MTOR: variants seen among roughly 807,000 people sequenced by gnomAD.
The protein encoded by MTOR is mechanistic target of rapamycin kinase.
MTOR carries 70 observed loss-of-function variants against 319.8 expected under a neutral mutation model. The observed-to-expected ratio is 0.22, with a 90% confidence interval of 0.18 to 0.27. The LOEUF (loss-of-function observed/expected upper bound fraction) is 0.27, where lower values mean the gene tolerates loss of function less well. MTOR is among the 10% of genes least tolerant of loss of function. The pLI is 1.00. For missense variants in MTOR, 1,890 were observed against 3,274.4 expected, an observed-to-expected ratio of 0.58 and a Z score of 10.32; for synonymous variants, 1,183 against 1,211.4, an observed-to-expected ratio of 0.98 and a Z score of 0.49.
chr1:11,173,159 C>A (rs4534388), intron 28 of MTOR, among the ~76,000 whole-genome samples: 8,991 of 152,110 alleles, frequency 0.059, 377 homozygotes, highest in South Asian at 0.12. Flanking sequence ...ATACCTGGCT[C>A]ATTTTTGTAT....
chr1:11,259,181 T>G, intron 2 of MTOR, 67 bp downstream of exon 2: 1 of 1,559,328 alleles, frequency 6.4e-7, no homozygotes, highest in South Asian at 1.2e-5. Context: ...CAAAAAAAAA[T>G]GTAAACCAGT....
intron 24 of MTOR, 74 bp from the exon 25 acceptor site, chr1:11,209,532 T>C: frequency 6.3e-7 from 1 of 1,575,902 alleles, no homozygotes; most frequent in Non-Finnish European, 8.7e-7. Flanking sequence ...TCCTTAAATT[T>C]TGGGAGGTGC....
At chr1:11,201,963 A>G (rs12120734) in intron 26 of MTOR, among the ~76,000 whole-genome samples, 83,951 of 151,902 alleles carry the variant, frequency 0.55, 27,176 homozygotes, top group East Asian at 0.78. Context: ...TCATGCCACC[A>G]CGCTTGGCTA....
chr1:11,255,824 G>A (rs1298296406), intron 5 of MTOR, among the ~76,000 whole-genome samples, 168 bp downstream of exon 5: 2 of 145,522 alleles, frequency 1.4e-5, no homozygotes, highest in Admixed American at 7.2e-5. Flanking sequence ...TCCAGCCTGG[G>A]CGACAAAGCA....
chr1:11,209,511 T>C, intron 24 of MTOR, 53 bp from the exon 25 acceptor site: 1 of 1,599,108 alleles, frequency 6.3e-7, no homozygotes, highest in South Asian at 1.1e-5. Flanking sequence ...ATGCTTCTGG[T>C]TTAGGAAATA....
chr1:11,109,428 T>C lies in MTOR; in HGVS notation c.7448-58A>G, dbSNP rs773302545. 3 of 1,491,444 alleles carry C rather than the reference T, an allele frequency of 2.0e-6. No homozygotes were observed. Among genetic ancestry groups the C allele is most frequent in the African/African-American group, 1.4e-5 (1 of 71,912 alleles). 92.4% of individuals were successfully genotyped at this position (1,491,444 alleles called of 1,614,324 possible). A position where few individuals can be genotyped will look rare whatever the true frequency, so the allele number is the denominator to read the frequency against. ...AATGGGAGCAATACAACAGGTTCAA[T>C]GGGTGCCCTGTTTTTCTCAAATATT... On this transcript the variant is annotated intron_variant, in intron 55 of 57. Coordinates refer to ENST00000361445, the MANE Select transcript of MTOR (RefSeq NM_004958.4). The surrounding 1 kb of genome is among the most constrained non-coding windows in gnomAD (Gnocchi z 4.0).
chr1:11,175,262 G>A (rs950230081), intron 28 of MTOR, among the ~76,000 whole-genome samples: 3 of 152,178 alleles, frequency 2.0e-5, no homozygotes, highest in African/African-American at 7.2e-5. Context: ...GGAAGACAAC[G>A]AAGACAGGCG....
At chr1:11,123,409 C>CTTTTTTT (rs950653302) in intron 47 of MTOR, among the ~76,000 whole-genome samples, 1 of 122,026 alleles carries the variant, frequency 8.2e-6, no homozygotes, top group Non-Finnish European at 1.7e-5. Context: ...CTGTGCCCAG[C>CTTTTTTT]TTTTTTTTTT....
intron 1 of MTOR, among the ~76,000 whole-genome samples, chr1:11,260,858 C>T (rs1434594582): frequency 6.7e-6 from 1 of 149,064 alleles, no homozygotes; most frequent in African/African-American, 2.5e-5. Flanking sequence ...GGCATGATCT[C>T]GGCTCACTGC....
In MTOR at chr1:11,129,842, T is replaced by G; in HGVS notation, c.5614-4A>C. ...TCAGGAGGGTTTTGGACAGATCCTG[T>G]TGGAACACACACGTGTTAGCGACAC... On this transcript the variant is annotated splice_region_variant and splice_polypyrimidine_tract_variant and intron_variant, in intron 39 of 57. Transcript: ENST00000361445. The surrounding 1 kb of genome is among the most constrained non-coding windows in gnomAD (Gnocchi z 4.7). 1 of 1,613,696 alleles carries G rather than the reference T, an allele frequency of 6.2e-7. No homozygotes were observed. The highest frequency in any genetic ancestry group is 8.5e-7 in the Non-Finnish European group (1 of 1,179,586).
chr1:11,141,352 A>G lies in MTOR; in HGVS notation c.4873-1694T>C, dbSNP rs150847708. Among the ~76,000 whole-genome samples, 533 of 151,968 alleles carry G rather than the reference A, an allele frequency of 3.5e-3. 6 individuals carry two copies. The highest frequency in any genetic ancestry group is 0.012 in the African/African-American group (504 of 41,448). On this transcript the variant is annotated intron_variant, in intron 34 of 57. Coordinates refer to ENST00000361445, the MANE Select transcript of MTOR (RefSeq NM_004958.4). Reference sequence around the variant, plus strand: ...GGTCTCAAACTCCTGGGCTTAAGCTATCTGCCTGCCTCAGCCTCCCAATGT... The same window carrying G: ...GGTCTCAAACTCCTGGGCTTAAGCTGTCTGCCTGCCTCAGCCTCCCAATGT...
intron 28 of MTOR, chr1:11,194,935 A>G (rs1645724057): frequency 6.2e-7 from 1 of 1,614,146 alleles, no homozygotes; most frequent in East Asian, 2.2e-5. Context: ...AAGCACCTGG[A>G]TGGCATCACC....
At chr1:11,241,489 A>T in intron 10 of MTOR, 64 bp downstream of exon 10, 1 of 1,533,374 alleles carries the variant, frequency 6.5e-7, no homozygotes, top group Non-Finnish European at 8.8e-7. Flanking sequence ...TTCTTTTAAC[A>T]GTCCCAACAC....
rs537333582 is a variant in MTOR at position 11,177,069 on chromosome 1, A to T, written c.4254-9552T>A. Among the ~76,000 whole-genome samples, 4 of 152,326 alleles carry T rather than the reference A, an allele frequency of 2.6e-5. No homozygotes were observed. In the South Asian group the frequency reaches 8.3e-4, roughly 32 times the overall value. ...TGAAGGGAAACAAAGCCAGAATCAG[A>T]TGATGAAGACAGTACCTCTGGGTCT... On this transcript the variant is annotated intron_variant, in intron 28 of 57. Coordinates refer to ENST00000361445, the MANE Select transcript of MTOR (RefSeq NM_004958.4).
At chr1:11,173,291 G>A (rs566872521) in intron 28 of MTOR, among the ~76,000 whole-genome samples, 1 of 152,066 alleles carries the variant, frequency 6.6e-6, no homozygotes, top group Admixed American at 6.6e-5. Flanking sequence ...ACCTCGCCTA[G>A]CCCACTCTCT....
intron 25 of MTOR, among the ~76,000 whole-genome samples, chr1:11,207,683 G>C (rs183559254): frequency 1.1e-3 from 154 of 145,646 alleles, no homozygotes; most frequent in Non-Finnish European, 1.8e-3. Context: ...TTATTATACA[G>C]ATGGTGTTTT....
At chr1:11,135,403 A>C (rs962423900) in intron 36 of MTOR, among the ~76,000 whole-genome samples, 2 of 152,252 alleles carry the variant, frequency 1.3e-5, no homozygotes, top group African/African-American at 4.8e-5. Context: ...ACACAGGGAA[A>C]GGAAACATTA....
intron 28 of MTOR, among the ~76,000 whole-genome samples, chr1:11,171,793 G>C (rs1644822711): frequency 6.6e-6 from 1 of 151,998 alleles, no homozygotes; most frequent in Admixed American, 6.5e-5. Flanking sequence ...CCAGAGCTTT[G>C]GGAGGCCAAG....
intron 15 of MTOR, 50 bp downstream of exon 15, chr1:11,233,348 G>T: frequency 6.5e-7 from 1 of 1,537,376 alleles, no homozygotes; most frequent in Non-Finnish European, 8.9e-7. Context: ...TTAGAGGTTA[G>T]TTTCTTTTCC....
Sources: allele counts gnomAD v4.1 joint callset (sites outside exome capture counted in the v4.1 genomes callset), GRCh38; gene constraint gnomAD v4.1.1; non-coding constraint Gnocchi (gnomAD v3.1); transcripts MANE v1.5; gene names NCBI Gene and HGNC (gene_info 2026-07-23, HGNC 2026-07-21).